Variants in AKAP6 observed in about 807,000 individuals in gnomAD.
AKAP6 encodes the protein A-kinase anchor protein 6.
AKAP6 carries 58 observed loss-of-function variants against 188.5 expected under a neutral mutation model. That is an observed-to-expected ratio of 0.31 (90% CI 0.25 to 0.38). The LOEUF (loss-of-function observed/expected upper bound fraction) is 0.38. AKAP6 is among the 10% of genes least tolerant of loss of function. The probability of loss-of-function intolerance (pLI) is 1.00; values close to 1 mark genes in which losing one functional copy is unlikely to be tolerated. For synonymous variants in AKAP6, 989 were observed against 998.6 expected (o/e 0.99, Z 0.18); for missense variants, 2,710 against 2,740.0 (o/e 0.99, Z 0.24).
rs150231349 is a variant in AKAP6 at position 32,732,495 on chromosome 14, G to A, written c.3042G>A (p.Thr1014=). The A allele has an allele frequency of 8.7e-6, 14 of 1,613,346 alleles. No homozygotes were observed. The highest frequency in any genetic ancestry group is 1.7e-4 in the Middle Eastern group (1 of 6,054). The change falls in exon 10 of 14, where the codon ACG becomes ACA. Residue 1014 remains threonine, a synonymous_variant. Transcript: ENST00000280979. ...TGTCCATCAGACACCTGAAAAAGAC[G>A]GAGCTGCTTAGTAAGGTTGAAGCTT... ...VEMSIRHLKK[T]ELLSKVEALK...
intron 2 of AKAP6, among the ~76,000 whole-genome samples, chr14:32,447,409 G>A (rs531135934): frequency 3.5e-4 from 54 of 152,156 alleles, no homozygotes; most frequent in African/African-American, 1.2e-3. Context: ...TGGCATTGGC[G>A]TACTAAAAAT....
chr14:32,584,134 G>C (rs555264687), intron 5 of AKAP6, among the ~76,000 whole-genome samples: 12 of 152,300 alleles, frequency 7.9e-5, no homozygotes, highest in African/African-American at 2.9e-4. Flanking sequence ...TACCCAAATT[G>C]CACATTTTAA....
chr14:32,514,131 T>C (rs1881398063), intron 2 of AKAP6, among the ~76,000 whole-genome samples: 1 of 152,222 alleles, frequency 6.6e-6, no homozygotes, highest in African/African-American at 2.4e-5. Flanking sequence ...AATCGACAGC[T>C]TGCCTTCCCA....
intron 1 of AKAP6, among the ~76,000 whole-genome samples, chr14:32,410,159 T>G (rs1175922673): frequency 1.3e-5 from 2 of 152,184 alleles, no homozygotes; most frequent in African/African-American, 4.8e-5. Flanking sequence ...TCCTTTTTTT[T>G]TCTTTGCAGA....
intron 2 of AKAP6, among the ~76,000 whole-genome samples, chr14:32,526,776 G>T (rs951260241): frequency 3.9e-5 from 6 of 152,216 alleles, no homozygotes; most frequent in Admixed American, 3.9e-4. Context: ...AGTCTAGTTT[G>T]TGTTTTTTTA....
chr14:32,528,675 T>TTTA (rs905930721), intron 2 of AKAP6, among the ~76,000 whole-genome samples: 5 of 152,024 alleles, frequency 3.3e-5, no homozygotes, highest in Admixed American at 6.6e-5. Context: ...TCACATAAAC[T>TTTA]TTATTATTAT....
intron 1 of AKAP6, among the ~76,000 whole-genome samples, chr14:32,352,978 T>G (rs1887341552): frequency 6.6e-6 from 1 of 152,204 alleles, no homozygotes; most frequent in Non-Finnish European, 1.5e-5. Flanking sequence ...CCATACTGTT[T>G]TCCATAACAG....
intron 5 of AKAP6, among the ~76,000 whole-genome samples, chr14:32,591,864 G>A (rs139236229): frequency 5.7e-4 from 87 of 152,110 alleles, no homozygotes; most frequent in African/African-American, 1.8e-3. Context: ...TTGTGGTAGC[G>A]GCTGACCATT....
At chr14:32,817,387 G>A (rs2034407245) in intron 12 of AKAP6, among the ~76,000 whole-genome samples, 1 of 151,950 alleles carries the variant, frequency 6.6e-6, no homozygotes, top group Non-Finnish European at 1.5e-5. Context: ...GCTTCCAAGT[G>A]TAAAAATAAT....
At chr14:32,409,435 T>G (rs1401576819) in intron 1 of AKAP6, among the ~76,000 whole-genome samples, 1 of 151,916 alleles carries the variant, frequency 6.6e-6, no homozygotes, top group African/African-American at 2.4e-5. Context: ...AAGGCTAGAC[T>G]AGTGTATAAA....
chr14:32,337,238 T>C, intron 1 of AKAP6, among the ~76,000 whole-genome samples: 1 of 152,128 alleles, frequency 6.6e-6, no homozygotes, highest in South Asian at 2.1e-4. Flanking sequence ...TTAGGGTTAT[T>C]GGTACATTTC....
intron 1 of AKAP6, among the ~76,000 whole-genome samples, chr14:32,375,032 T>C (rs1888116637): frequency 6.6e-6 from 1 of 152,176 alleles, no homozygotes; most frequent in Non-Finnish European, 1.5e-5. Context: ...ATTAGAAACC[T>C]ATTTCATAAA....
At chr14:32,561,526 T>C (rs1883955209) in intron 4 of AKAP6, among the ~76,000 whole-genome samples, 1 of 152,216 alleles carries the variant, frequency 6.6e-6, no homozygotes, top group Admixed American at 6.5e-5. Context: ...CGTATATCAC[T>C]TCAACATGGC....
intron 9 of AKAP6, among the ~76,000 whole-genome samples, chr14:32,722,270 T>G (rs781477167): frequency 3.3e-5 from 5 of 152,096 alleles, no homozygotes; most frequent in Admixed American, 6.6e-5. Flanking sequence ...TTTTGGAAAA[T>G]GGAATGCAAG....
At chr14:32,363,266 C>A (rs1360546622) in intron 1 of AKAP6, among the ~76,000 whole-genome samples, 1 of 152,116 alleles carries the variant, frequency 6.6e-6, no homozygotes, top group East Asian at 1.9e-4. Flanking sequence ...TTTAAGTCTA[C>A]CAGAGGGAGT....
At chr14:32,715,199 C>T (rs2030122702) in intron 9 of AKAP6, among the ~76,000 whole-genome samples, 1 of 151,976 alleles carries the variant, frequency 6.6e-6, no homozygotes, top group African/African-American at 2.4e-5. Context: ...ACATTTTTCA[C>T]CTGAATTCTC....
intron 1 of AKAP6, among the ~76,000 whole-genome samples, chr14:32,429,277 T>C (rs139610973): frequency 6.4e-4 from 98 of 152,358 alleles, no homozygotes; most frequent in African/African-American, 2.2e-3. Flanking sequence ...TCAAATCTTA[T>C]ATTATTTACA....
At chr14:32,748,942 A>T (rs75928638) in intron 11 of AKAP6, among the ~76,000 whole-genome samples, 1 of 152,178 alleles carries the variant, frequency 6.6e-6, no homozygotes, top group Admixed American at 6.5e-5. Flanking sequence ...GAGTGCACAC[A>T]CAAGTGTACA....
chr14:32,678,542 T>A, intron 8 of AKAP6, 83 bp downstream of exon 8: 1 of 1,514,464 alleles, frequency 6.6e-7, no homozygotes. Context: ...TAGGAAGGTA[T>A]TTCCTCTTTA....
Sources: gnomAD v4.1 joint callset for allele counts (sites outside exome capture counted in the v4.1 genomes callset) on GRCh38, gnomAD v4.1.1 for gene constraint, MANE v1.5 for transcripts, NCBI Gene and HGNC (gene_info 2026-07-23, HGNC 2026-07-21) for gene names.